Variants in MAP3K4 observed in about 807,000 individuals in gnomAD.
MAP3K4 encodes the protein mitogen-activated protein kinase kinase kinase 4.
MAP3K4 carries 67 observed loss-of-function variants against 185.6 expected under a neutral mutation model. The observed-to-expected ratio is 0.36, with a 90% confidence interval of 0.30 to 0.44. The LOEUF is 0.44. MAP3K4 is among the 20% of genes least tolerant of loss of function. MAP3K4 has a pLI of 1.00. For missense variants in MAP3K4, 1,551 were observed against 1,995.1 expected, an observed-to-expected ratio of 0.78 and a Z score of 4.24; for synonymous variants, 702 against 710.4, an observed-to-expected ratio of 0.99 and a Z score of 0.19.
rs928863022 is a variant in MAP3K4, at chr6:161,110,235, T to C, written c.4396+321T>C. 6.6e-6 allele frequency among the ~76,000 whole-genome samples: 1 copy of C among 152,234 alleles called. No homozygotes were observed. Among genetic ancestry groups the C allele is most frequent in the Admixed American group, 6.5e-5 (1 of 15,282 alleles). ...TTCGTGATCAAAGCAACCTTTTTTT[T>C]CTCTCGTGTCAGGATTCTTGTCTAT... is the stretch of plus-strand genomic sequence containing the variant. On this transcript the variant is annotated intron_variant, in intron 23 of 26. Transcript: ENST00000392142. This position sits in a 1 kb window ranked among gnomAD's most constrained non-coding sequence, Gnocchi z 4.8.
chr6:161,085,610 T>C (rs1168622163), intron 7 of MAP3K4, among the ~76,000 whole-genome samples: 2 of 152,200 alleles, frequency 1.3e-5, no homozygotes, highest in Non-Finnish European at 2.9e-5. Flanking sequence ...ACCTGGTATG[T>C]TTTTATGCCA....
At position 161,007,018 on chromosome 6, in the gene MAP3K4, A is replaced by G. The variant is rs1286291417; in HGVS notation, c.152+14935A>G. Among the ~76,000 whole-genome samples the G allele has an allele frequency of 6.6e-6, 1 of 152,244 alleles. No individual in the cohort carries two copies. ...ACAAACTGTAAAATCAAAAGTAACC[A>G]GCAACAGAAATAAAGCAAATCTCAG... On this transcript the variant is annotated intron_variant, in intron 1 of 26. Transcript: ENST00000392142. This position sits in a 1 kb window ranked among gnomAD's most constrained non-coding sequence, Gnocchi z 4.5.
chr6:160,991,798 C>G lies in MAP3K4; in HGVS notation c.-134C>G, dbSNP rs1562463920. The G allele has an allele frequency of 2.9e-6, 3 of 1,041,142 alleles. No individual in the cohort carries two copies. The highest frequency in any genetic ancestry group is 3.3e-5 in the East Asian group (1 of 30,586). 64.5% of individuals were successfully genotyped at this position (1,041,142 alleles called of 1,614,324 possible). A position where few individuals can be genotyped will look rare whatever the true frequency, so the allele number is the denominator to read the frequency against. On this transcript the variant is annotated 5_prime_UTR_variant, in exon 1 of 27. Transcript: ENST00000392142. This position sits in a 1 kb window ranked among gnomAD's most constrained non-coding sequence, Gnocchi z 5.7. ...GGCCGGTCGCCGTTTCCAAGATGGCCGCGGCGCGCACGGCTCCTGCGGCGG... is the reference window on the plus strand; with the variant it reads ...GGCCGGTCGCCGTTTCCAAGATGGCGGCGGCGCGCACGGCTCCTGCGGCGG...
In MAP3K4 at chr6:161,049,249, G is replaced by A. The variant is rs746378292; in HGVS notation, c.977G>A (p.Cys326Tyr). The change falls in exon 3 of 27, where the codon TGC (cysteine) becomes TAC (tyrosine). Residue 326 changes from cysteine (C) to tyrosine (Y), a missense_variant. Around this residue, in one of 16 missense-constraint regions of MAP3K4, gnomAD observed 93 missense variants for 96.7 expected, o/e 0.96. Coordinates refer to ENST00000392142, the MANE Select transcript of MAP3K4 (RefSeq NM_005922.4). This position sits in a 1 kb window ranked among gnomAD's most constrained non-coding sequence, Gnocchi z 8.4. ...AATGGTACTTCAGTAGAAGGGCAGT[G>A]CAAAGCCACTCCTGGAACAAAGATT... The part of the protein sequence containing the change: ...GFNGTSVEGQ[C>Y]KATPGTKIVG... 1.1e-5 allele frequency: 17 copies of A among 1,614,148 alleles called. No homozygotes were observed. The South Asian group carries it at 1.5e-4, about 15-fold the overall frequency.
chr6:160,998,971 A>G (rs1483768387), intron 1 of MAP3K4, among the ~76,000 whole-genome samples: 1 of 152,210 alleles, frequency 6.6e-6, no homozygotes, highest in East Asian at 1.9e-4. Flanking sequence ...CAATTTGCAG[A>G]CCTACCTCAG....
rs118133716 is a variant in MAP3K4 at position 161,082,051 on chromosome 6, C to T, written c.2255+1013C>T. Reference sequence around the variant, plus strand: ...TGCCGATTTCTCCTATGTTCAGTCTCGGAATCTCGTATCCACTTCTCTGTT... The same window carrying T: ...TGCCGATTTCTCCTATGTTCAGTCTTGGAATCTCGTATCCACTTCTCTGTT... On this transcript the variant is annotated intron_variant, in intron 6 of 26. Coordinates refer to ENST00000392142, the MANE Select transcript of MAP3K4 (RefSeq NM_005922.4). The surrounding 1 kb of genome is among the most constrained non-coding windows in gnomAD (Gnocchi z 4.2). Among the ~76,000 whole-genome samples, 45 of 152,052 alleles carry T rather than the reference C, an allele frequency of 3.0e-4. No homozygotes were observed. Among genetic ancestry groups the T allele is most frequent in the Non-Finnish European group, 6.0e-4 (41 of 67,992 alleles).
rs1206486909 is a variant in MAP3K4 at position 161,067,141 on chromosome 6, C to T, written c.1708-3467C>T. On this transcript the variant is annotated intron_variant, in intron 3 of 26. Transcript: ENST00000392142. The surrounding 1 kb of genome is among the most constrained non-coding windows in gnomAD (Gnocchi z 6.3). Reference sequence around the variant, plus strand: ...GTGCGCCTGTGACACAGCCTCAGGACGTCCTGACTATGTGTGCCCAAGGTG... The same window carrying T: ...GTGCGCCTGTGACACAGCCTCAGGATGTCCTGACTATGTGTGCCCAAGGTG... The T allele has an allele frequency of 4.0e-6, 1 of 247,044 alleles. No homozygotes were observed. Among genetic ancestry groups the T allele is most frequent in the South Asian group, 4.0e-5 (1 of 25,264 alleles). 15.3% of individuals were successfully genotyped at this position (247,044 alleles called of 1,614,324 possible).
intron 1 of MAP3K4, among the ~76,000 whole-genome samples, chr6:161,000,812 T>TGC (rs1318918020): frequency 7.1e-5 from 10 of 141,430 alleles, no homozygotes; most frequent in African/African-American, 2.7e-4. Context: ...CACCCATATA[T>TGC]ACACACATGT....
At chr6:161,014,045 T>C (rs1781969560) in intron 1 of MAP3K4, among the ~76,000 whole-genome samples, 1 of 152,184 alleles carries the variant, frequency 6.6e-6, no homozygotes. Flanking sequence ...ATAATGTAGG[T>C]TTTATGTATT....
chr6:161,046,518 A>AT (rs957309882), intron 2 of MAP3K4, among the ~76,000 whole-genome samples: 2 of 62,742 alleles, frequency 3.2e-5, no homozygotes, highest in African/African-American at 8.5e-5. Context: ...AAAATTTTAA[A>AT]TTTAAAAAAT....
rs189921695 is a variant in MAP3K4, at chr6:161,110,989, C to T, written c.4397-847C>T. On this transcript the variant is annotated intron_variant, in intron 23 of 26. Coordinates refer to ENST00000392142, the MANE Select transcript of MAP3K4 (RefSeq NM_005922.4). The surrounding 1 kb of genome is among the most constrained non-coding windows in gnomAD (Gnocchi z 4.8). Reference sequence around the variant, plus strand: ...TCCCTTAGAATCTGAAGCAGGTCAGCTCACTGGTGTCTTATCCAATGCTTT... The same window carrying T: ...TCCCTTAGAATCTGAAGCAGGTCAGTTCACTGGTGTCTTATCCAATGCTTT... Among the ~76,000 whole-genome samples the T allele has an allele frequency of 8.7e-4, 132 of 152,368 alleles. No homozygotes were observed. The highest frequency in any genetic ancestry group is 1.6e-3 in the Non-Finnish European group (109 of 68,034).
chr6:161,023,341 G>A (rs949625894), intron 1 of MAP3K4, among the ~76,000 whole-genome samples: 1 of 152,198 alleles, frequency 6.6e-6, no homozygotes, highest in Admixed American at 6.5e-5. Flanking sequence ...TTATACATGT[G>A]CCTCCAGAAG....
intron 1 of MAP3K4, among the ~76,000 whole-genome samples, chr6:160,998,998 G>T (rs552150276): frequency 6.6e-6 from 1 of 152,186 alleles, no homozygotes; most frequent in South Asian, 2.1e-4. Flanking sequence ...TGGTTTCATG[G>T]GTCATATGGA....
At chr6:161,052,110 G>A (rs11755244) in intron 3 of MAP3K4, among the ~76,000 whole-genome samples, 5,982 of 152,192 alleles carry the variant, frequency 0.039, 160 homozygotes, top group South Asian at 0.073. Flanking sequence ...AAGAGGCCAC[G>A]GTGGGGCGGG....
Position 161,020,582 on chromosome 6 carries a change from C to T in MAP3K4, c.153-13677C>T, listed in dbSNP as rs139919692. On this transcript the variant is annotated intron_variant, in intron 1 of 26. Transcript: ENST00000392142. ...CTGAGGCAGGAGAATTACTTGAACC[C>T]GGGGAGTGGAGGCTGTGGTGAGCCG... 6.6e-3 allele frequency among the ~76,000 whole-genome samples: 991 copies of T among 149,564 alleles called. 10 individuals are homozygous for T. Among genetic ancestry groups the T allele is most frequent in the Middle Eastern group, 0.065 (19 of 292 alleles).
In MAP3K4 at chr6:160,996,287, C is replaced by T. The variant is rs564129861; in HGVS notation, c.152+4204C>T. 3.7e-4 allele frequency among the ~76,000 whole-genome samples: 57 copies of T among 152,178 alleles called. No individual in the cohort carries two copies. The highest frequency in any genetic ancestry group is 7.1e-4 in the Non-Finnish European group (48 of 68,032). ...CAAACAGCAGTGATGGCAGAAACTT[C>T]ATGTTTTCAACTGGGGACTTGTCAC... On this transcript the variant is annotated intron_variant, in intron 1 of 26. Transcript: ENST00000392142. The surrounding 1 kb of genome is among the most constrained non-coding windows in gnomAD (Gnocchi z 4.5).
chr6:161,072,457 AT>A (rs748394175), intron 4 of MAP3K4, among the ~76,000 whole-genome samples: 3 of 152,130 alleles, frequency 2.0e-5, no homozygotes, highest in Non-Finnish European at 2.9e-5. Flanking sequence ...CCCTGTAAGT[AT>A]TTTTCAAAAG....
rs140294548 is a variant in MAP3K4 at position 161,088,289 on chromosome 6, C to G, written c.2823+335C>G. On this transcript the variant is annotated intron_variant, in intron 10 of 26. Coordinates refer to ENST00000392142, the MANE Select transcript of MAP3K4 (RefSeq NM_005922.4). The surrounding 1 kb of genome is among the most constrained non-coding windows in gnomAD (Gnocchi z 4.5). ...TTGTAGTTCTAGAAATCCCAGTTCT[C>G]CAAGTACTCAGGTTTACTGGTTATT... 3.1e-3 allele frequency among the ~76,000 whole-genome samples: 471 copies of G among 152,248 alleles called. 6 individuals are homozygous for G. The highest frequency in any genetic ancestry group is 6.0e-3 in the South Asian group (29 of 4,814).
chr6:161,091,279 G>T lies in MAP3K4; in HGVS notation c.2974-100G>T. The T allele has an allele frequency of 1.1e-6, 1 of 912,918 alleles. No homozygotes were observed. The highest frequency in any genetic ancestry group is 1.7e-6 in the Non-Finnish European group (1 of 605,634). 56.6% of individuals were successfully genotyped at this position (912,918 alleles called of 1,614,324 possible). A position where few individuals can be genotyped will look rare whatever the true frequency, so the allele number is the denominator to read the frequency against. On this transcript the variant is annotated intron_variant, in intron 11 of 26. Coordinates refer to ENST00000392142, the MANE Select transcript of MAP3K4 (RefSeq NM_005922.4). The surrounding 1 kb of genome is among the most constrained non-coding windows in gnomAD (Gnocchi z 5.5). ...CCAAGTGGCTGAATTGTTTGTAGTG[G>T]TTAATGTCTGTGTGATGATGAACGA...
Sources: gnomAD v4.1 joint callset for allele counts (sites outside exome capture counted in the v4.1 genomes callset) on GRCh38, gnomAD v4.1.1 for gene constraint, gnomAD v4.1.1 regional missense constraint, Gnocchi (gnomAD v3.1) non-coding constraint, MANE v1.5 for transcripts, NCBI Gene and HGNC (gene_info 2026-07-23, HGNC 2026-07-21) for gene names.